Variants in MED22 observed in about 807,000 individuals in gnomAD.
MED22 encodes the protein mediator complex subunit 22, also known as mediator of RNA polymerase II transcription subunit 22.
MED22 carries 22 observed loss-of-function variants against 22.7 expected under a neutral mutation model. That is an observed-to-expected ratio of 0.97 (90% confidence interval 0.69 to 1.38). The LOEUF (loss-of-function observed/expected upper bound fraction) is 1.38, where lower values mean the gene tolerates loss of function less well. Ranked by LOEUF, MED22 falls within the 40% of genes most tolerant of loss-of-function variation. The pLI, the probability that MED22 is intolerant of heterozygous loss-of-function variation, is 0.00. For synonymous variants in MED22, 134 were observed against 119.4 expected, an observed-to-expected ratio of 1.12 and a Z score of -0.80; for missense variants, 247 against 263.0, an observed-to-expected ratio of 0.94 and a Z score of 0.42.
intron 2 of MED22, 195 bp downstream of exon 2, chr9:133,346,345 A>C (rs1836178756): frequency 1.6e-6 from 1 of 640,382 alleles, no homozygotes; most frequent in African/African-American, 1.8e-5. Context: ...AAAAAGTGAA[A>C]TCTCCATCCA....
At chr9:133,343,913 T>C (rs1312857300) in intron 4 of MED22, 1 of 1,433,382 alleles carries the variant, frequency 7.0e-7, no homozygotes, top group Non-Finnish European at 9.1e-7. Flanking sequence ...TTTCATCACA[T>C]TGCACTGTGG....
At chr9:133,343,573 A>G in intron 4 of MED22, 1 of 1,241,164 alleles carries the variant, frequency 8.1e-7, no homozygotes, top group Non-Finnish European at 1.0e-6. Flanking sequence ...CACGAATTGG[A>G]GCTCCAATGG....
At chr9:133,342,724 G>A (rs1836046412) in intron 4 of MED22, 1 of 986,072 alleles carries the variant, frequency 1.0e-6, no homozygotes, top group Non-Finnish European at 1.2e-6. Flanking sequence ...CAGGAGGCCT[G>A]CGGGAGGGGA....
Position 133,348,131 on chromosome 9 carries a change from T to C in MED22, c.-248A>G, listed in dbSNP as rs1836257010. ...GCCTCGATTTTTAGCTTTATAGGAA[T>C]GCTGTTGCTTTAAATCCGAAATCCC... On this transcript the variant is annotated 5_prime_UTR_variant, in exon 1 of 5. Coordinates refer to ENST00000343730, the MANE Select transcript of MED22 (RefSeq NM_133640.5). The C allele has an allele frequency of 1.4e-6, 2 of 1,446,832 alleles. No individual in the cohort carries two copies. Among genetic ancestry groups the C allele is most frequent in the African/African-American group, 2.8e-5 (2 of 71,342 alleles). The allele number at this position is 1,446,832 out of a possible 1,614,324, so 89.6% of individuals were successfully genotyped here.
intron 4 of MED22, 149 bp from the exon 5 acceptor site, chr9:133,341,843 C>A (rs1160645890): frequency 4.3e-6 from 6 of 1,403,930 alleles, no homozygotes; most frequent in Non-Finnish European, 5.5e-6. Flanking sequence ...TCCATCTGTC[C>A]CCTGAGTTGG....
In MED22 at chr9:133,339,605, G is replaced by A; in HGVS notation, c.*1900C>T. 1 of 428,340 alleles carries A rather than the reference G, an allele frequency of 2.3e-6. No individual in the cohort carries two copies. The highest frequency in any genetic ancestry group is 2.4e-5 in the South Asian group (1 of 41,788). 26.5% of individuals were successfully genotyped at this position (428,340 alleles called of 1,614,324 possible). On this transcript the variant is annotated 3_prime_UTR_variant, in exon 5 of 5. Coordinates refer to ENST00000343730, the MANE Select transcript of MED22 (RefSeq NM_133640.5). ...GCAATCATCATCCATTCTGGTTGTG[G>A]TGATGGACGAAGGAGAATGTGCTCA...
chr9:133,345,768 C>T (rs1836162566), intron 2 of MED22, among the ~76,000 whole-genome samples: 1 of 152,204 alleles, frequency 6.6e-6, no homozygotes, highest in African/African-American at 2.4e-5. Context: ...GGTGGCCAAG[C>T]GAGGCTGGAT....
At chr9:133,346,846 A>G (rs1265239639) in intron 1 of MED22, 146 bp from the exon 2 acceptor site, 2 of 788,484 alleles carry the variant, frequency 2.5e-6, no homozygotes, top group Non-Finnish European at 1.9e-6. Context: ...AACTCATTCC[A>G]TCAGCAGACA....
intron 4 of MED22, chr9:133,343,579 A>G: frequency 8.0e-7 from 1 of 1,242,588 alleles, no homozygotes; most frequent in Non-Finnish European, 1.0e-6. Context: ...TTGGAGCTCC[A>G]ATGGCTTTCA....
chr9:133,341,440 CTG>C lies in MED22; in HGVS notation c.*63_*64del. 7.0e-7 allele frequency: 1 copy of C among 1,418,506 alleles called. No individual in the cohort carries two copies. Among genetic ancestry groups the C allele is most frequent in the Non-Finnish European group, 9.2e-7 (1 of 1,088,058 alleles). The allele number at this position is 1,418,506 out of a possible 1,614,324, so 87.9% of individuals were successfully genotyped here. On this transcript the variant is annotated 3_prime_UTR_variant, in exon 5 of 5. Coordinates refer to ENST00000343730, the MANE Select transcript of MED22 (RefSeq NM_133640.5). The stretch of plus-strand genomic sequence containing the variant: ...GGAACCTAGGCTGAGAGAAGCAAGG[CTG>C]TGAGGGCATCCAAAGGGCTGCCTCA...
intron 4 of MED22, 171 bp downstream of exon 4, chr9:133,343,954 G>A: frequency 6.9e-7 from 1 of 1,453,110 alleles, no homozygotes; most frequent in Non-Finnish European, 9.0e-7. Context: ...ATATGGATGT[G>A]AATTGTCTGT....
rs1363989906 is a variant in MED22 at position 133,341,526 on chromosome 9, A to G, written c.582T>C (p.Pro194=). 1 of 1,528,540 alleles carries G rather than the reference A, an allele frequency of 6.5e-7. No individual in the cohort carries two copies. The highest frequency in any genetic ancestry group is 8.7e-7 in the Non-Finnish European group (1 of 1,148,814). 94.7% of individuals were successfully genotyped at this position (1,528,540 alleles called of 1,614,324 possible). A position where few individuals can be genotyped will look rare whatever the true frequency, so the allele number is the denominator to read the frequency against. ...AAPAHSHAGG[P]GPTEHA is the part of the protein sequence containing the mutation. ...AGGCTCAGGCGTGCTCAGTGGGGCC[A>G]GGGCCACCAGCATGGGAGTGGGCAG... The change falls in exon 5 of 5, where the codon CCT becomes CCC. Residue 194 remains proline (P), a synonymous_variant. Transcript: ENST00000343730.
chr9:133,343,973 C>T (rs972806226), intron 4 of MED22, 152 bp downstream of exon 4: 19 of 1,462,266 alleles, frequency 1.3e-5, no homozygotes, highest in Non-Finnish European at 1.4e-5. Context: ...GTCGGTCAAA[C>T]GCTCTGGCCA....
Position 133,346,540 on chromosome 9 carries a change from C to T in MED22, c.123G>A (p.Lys41=), listed in dbSNP as rs2129968641. ...CCTTGGTGGGCCACCCCACCCCCAC[C>T]TTGGCGGTCTTGATGATCTCGGTGA... ...DNFTEIIKTA[K]IEDETQVSRA... The change falls in exon 2 of 5, where the codon AAG becomes AAA. Residue 41 remains lysine (K), a splice_region_variant and synonymous_variant. Transcript: ENST00000343730. 2.5e-6 allele frequency: 4 copies of T among 1,612,402 alleles called. No individual in the cohort carries two copies. Among genetic ancestry groups the T allele is most frequent in the Non-Finnish European group, 3.4e-6 (4 of 1,179,992 alleles).
chr9:133,342,844 C>T (rs1337727879), intron 4 of MED22: 11 of 985,424 alleles, frequency 1.1e-5, no homozygotes, highest in South Asian at 4.7e-5. Context: ...GCTGCAGGGC[C>T]GTGAGCAGGT....
Position 133,339,019 on chromosome 9 carries a change from C to A in MED22, c.*2486G>T. On this transcript the variant is annotated 3_prime_UTR_variant, in exon 5 of 5. Coordinates refer to ENST00000343730, the MANE Select transcript of MED22 (RefSeq NM_133640.5). ...CGAACACAAAGGGAAAGAGGAGAGG[C>A]ACCCAATATATGTTCTCTAGGCCTT... is the stretch of plus-strand genomic sequence containing the variant. The A allele has an allele frequency of 1.2e-6, 1 of 834,162 alleles. No individual in the cohort carries two copies. The highest frequency in any genetic ancestry group is 2.0e-6 in the Non-Finnish European group (1 of 501,510). 51.7% of individuals were successfully genotyped at this position (834,162 alleles called of 1,614,324 possible).
chr9:133,339,505 A>G lies in MED22; in HGVS notation c.*2000T>C. The G allele has an allele frequency of 1.6e-6, 1 of 617,644 alleles. No homozygotes were observed. Among genetic ancestry groups the G allele is most frequent in the Non-Finnish European group, 2.9e-6 (1 of 341,034 alleles). 38.3% of individuals were successfully genotyped at this position (617,644 alleles called of 1,614,324 possible). On this transcript the variant is annotated 3_prime_UTR_variant, in exon 5 of 5. Transcript: ENST00000343730. ...ATAAAAGACCTCTGGACTAGAAAGA[A>G]AAAAAATAGGCATTAAAAAAACTAT...
chr9:133,339,134 CA>C lies in MED22; in HGVS notation c.*2370del. On this transcript the variant is annotated 3_prime_UTR_variant, in exon 5 of 5. Coordinates refer to ENST00000343730, the MANE Select transcript of MED22 (RefSeq NM_133640.5). ...AGATATCAAGGGAATGGGTACTGTT[CA>C]AAAAGGAATGCCCCACAAATGTCAC... The C allele has an allele frequency of 1.5e-6, 1 of 677,028 alleles. No individual in the cohort carries two copies. Among genetic ancestry groups the C allele is most frequent in the South Asian group, 1.4e-5 (1 of 73,594 alleles). 41.9% of individuals were successfully genotyped at this position (677,028 alleles called of 1,614,324 possible).
chr9:133,344,397 G>C, intron 3 of MED22, 64 bp from the exon 4 acceptor site: 1 of 1,551,294 alleles, frequency 6.4e-7, no homozygotes, highest in East Asian at 2.3e-5. Context: ...CCTACAAGTA[G>C]CTGATGCTGG....
Sources: allele counts gnomAD v4.1 joint callset (sites outside exome capture counted in the v4.1 genomes callset), GRCh38; gene constraint gnomAD v4.1.1; transcripts MANE v1.5; gene names NCBI Gene and HGNC (gene_info 2026-07-23, HGNC 2026-07-21).